The following DACH2 variants were observed in gnomAD, a reference collection of about 807,000 sequenced individuals.
DACH2 encodes the protein dachshund homolog 2.
Under a neutral mutation model 35.8 loss-of-function variants are expected in DACH2, and 17 were observed. The observed-to-expected ratio is 0.48, with a 90% CI of 0.33 to 0.71. The LOEUF (loss-of-function observed/expected upper bound fraction) is 0.71, where lower values mean the gene tolerates loss of function less well. Among genes scored for constraint, DACH2 ranks in the 30% least tolerant of loss-of-function variants. The pLI is 0.02. For synonymous variants in DACH2, 195 were observed against 177.3 expected (o/e 1.10, Z -0.79); for missense variants, 469 against 472.7 (o/e 0.99, Z 0.07).
intron 2 of DACH2, among the ~76,000 whole-genome samples, chrX:86,381,449 A>G (rs1253375464): frequency 9.0e-6 from 1 of 110,731 alleles, no homozygotes; most frequent in African/African-American, 3.3e-5. Context: ...TTTGTAAAGT[A>G]TCGTCTAAGT....
At chrX:86,312,196 T>C (rs2034815559) in intron 1 of DACH2, among the ~76,000 whole-genome samples, 1 of 112,498 alleles carries the variant, frequency 8.9e-6, no homozygotes, top group Admixed American at 9.4e-5. Flanking sequence ...TTTCTGCATG[T>C]ATACACTTGT....
chrX:86,635,969 A>G (rs1022277134), intron 3 of DACH2, among the ~76,000 whole-genome samples: 1 of 112,116 alleles, frequency 8.9e-6, no homozygotes, highest in Non-Finnish European at 1.9e-5. Context: ...AGCAATTGAT[A>G]GATTCAGTGC....
At chrX:86,260,169 G>T (rs180871183) in intron 1 of DACH2, among the ~76,000 whole-genome samples, 1 of 110,088 alleles carries the variant, frequency 9.1e-6, no homozygotes, top group Admixed American at 9.7e-5. Context: ...AGTTTAAACC[G>T]GATAAAACTT....
At chrX:86,481,163 A>G (rs1044752922) in intron 2 of DACH2, 1 of 111,682 alleles carries the variant, frequency 9.0e-6, no homozygotes, top group Admixed American at 9.5e-5. Flanking sequence ...ACAAATTGCC[A>G]CCTCCTTTGG....
At chrX:86,611,310 A>G (rs1046059888) in intron 3 of DACH2, among the ~76,000 whole-genome samples, 4 of 108,546 alleles carry the variant, frequency 3.7e-5, no homozygotes, top group Admixed American at 9.9e-5. Context: ...AGTCCTTTTT[A>G]CTCTTCTTCC....
At chrX:86,265,366 C>CT (rs1310979729) in intron 1 of DACH2, among the ~76,000 whole-genome samples, 1 of 111,262 alleles carries the variant, frequency 9.0e-6, no homozygotes, top group Non-Finnish European at 1.9e-5. Context: ...CTTGTTACCA[C>CT]TTTTTTTTCC....
At chrX:86,782,593 A>G (rs2042099104) in intron 7 of DACH2, among the ~76,000 whole-genome samples, 1 of 111,908 alleles carries the variant, frequency 8.9e-6, no homozygotes, top group Non-Finnish European at 1.9e-5. Context: ...AAACCCAGAA[A>G]CAAATTCACA....
chrX:86,211,186 T>C (rs184175719), intron 1 of DACH2, among the ~76,000 whole-genome samples: 1 of 111,788 alleles, frequency 8.9e-6, no homozygotes, highest in Non-Finnish European at 1.9e-5. Context: ...ATTTTATCTG[T>C]ACTTAGAATA....
chrX:86,524,160 C>A (rs2038598035), intron 3 of DACH2, among the ~76,000 whole-genome samples: 1 of 112,183 alleles, frequency 8.9e-6, no homozygotes, highest in African/African-American at 3.2e-5. Context: ...TTTGCAAAGG[C>A]AGTTTCAATC....
intron 2 of DACH2, among the ~76,000 whole-genome samples, chrX:86,482,002 A>G (rs2037944007): frequency 8.9e-6 from 1 of 112,241 alleles, no homozygotes; most frequent in Admixed American, 9.5e-5. Flanking sequence ...TTTTTGTCGC[A>G]TTTAAAAATT....
chrX:86,757,223 C>A (rs770157021), intron 7 of DACH2, among the ~76,000 whole-genome samples: 3 of 111,314 alleles, frequency 2.7e-5, no homozygotes, highest in African/African-American at 9.8e-5. Context: ...ACATTCTGCA[C>A]CCCTATGTTG....
In DACH2 at chrX:86,341,600, G is replaced by A. The variant is rs775246133; in HGVS notation, c.489-35224G>A. Among the ~76,000 whole-genome samples, 46 of 112,102 alleles carry A rather than the reference G, an allele frequency of 4.1e-4. 1 individual carries two copies. The highest frequency in any genetic ancestry group is 2.8e-4 in the Admixed American group (3 of 10,537). ...TCGATGTTCAAGTCTCTTTTTCTAAGGAATACATTTTGTAAGGCTACAGCG... is the reference window on the plus strand; with the variant it reads ...TCGATGTTCAAGTCTCTTTTTCTAAAGAATACATTTTGTAAGGCTACAGCG... On this transcript the variant is annotated intron_variant, in intron 1 of 11. Transcript: ENST00000373125.
chrX:86,586,388 C>A (rs1195909767), intron 3 of DACH2, among the ~76,000 whole-genome samples: 2 of 111,378 alleles, frequency 1.8e-5, no homozygotes, highest in African/African-American at 3.3e-5. Flanking sequence ...TTGGTAGTTT[C>A]TTTTGCTATG....
intron 3 of DACH2, among the ~76,000 whole-genome samples, chrX:86,593,461 C>G (rs1024206692): frequency 1.1e-5 from 1 of 91,297 alleles, no homozygotes; most frequent in Admixed American, 1.1e-4. Flanking sequence ...GTGTCTCACT[C>G]TGTCACCCAG....
At chrX:86,782,774 A>T (rs1214980643) in intron 7 of DACH2, among the ~76,000 whole-genome samples, 1 of 111,902 alleles carries the variant, frequency 8.9e-6, no homozygotes, top group Admixed American at 9.5e-5. Flanking sequence ...GGATTGAAAG[A>T]CAGAAATCTA....
intron 1 of DACH2, among the ~76,000 whole-genome samples, chrX:86,303,270 A>C (rs1201586839): frequency 2.8e-5 from 3 of 108,587 alleles, no homozygotes; most frequent in Non-Finnish European, 5.7e-5. Flanking sequence ...CTCACTCCTA[A>C]AACTGGACAC....
chrX:86,709,455 A>G (rs2041254782), intron 5 of DACH2, among the ~76,000 whole-genome samples: 1 of 112,323 alleles, frequency 8.9e-6, no homozygotes, highest in Non-Finnish European at 1.9e-5. Flanking sequence ...TGAATCTATT[A>G]GAAGATAACA....
chrX:86,721,675 A>G (rs1199625403), intron 6 of DACH2, among the ~76,000 whole-genome samples: 1 of 111,563 alleles, frequency 9.0e-6, no homozygotes, highest in Non-Finnish European at 1.9e-5. Context: ...GTATGTTTAC[A>G]GCAGTGCCGC....
chrX:86,388,086 T>C (rs996133228), intron 2 of DACH2, among the ~76,000 whole-genome samples: 2 of 111,969 alleles, frequency 1.8e-5, no homozygotes, highest in Admixed American at 9.5e-5. Context: ...TCTGTGGTGA[T>C]GTAAAATTCC....
Sources: gnomAD v4.1 joint callset for allele counts (sites outside exome capture counted in the v4.1 genomes callset) on GRCh38, gnomAD v4.1.1 for gene constraint, MANE v1.5 for transcripts, NCBI Gene and HGNC (gene_info 2026-07-23, HGNC 2026-07-21) for gene names.